Variants in LPAR3 observed in about 807,000 individuals in gnomAD.
LPAR3 encodes lysophosphatidic acid receptor 3.
Under a neutral mutation model 17.8 loss-of-function variants are expected in LPAR3, and 7 were observed. The observed-to-expected ratio is 0.39, with a 90% CI of 0.22 to 0.74. The LOEUF (loss-of-function observed/expected upper bound fraction) is 0.74. LPAR3 is among the 30% of genes least tolerant of loss of function. The probability of loss-of-function intolerance (pLI) is 0.40; values close to 1 mark genes in which losing one functional copy is unlikely to be tolerated. For missense variants in LPAR3, 391 were observed against 453.4 expected (o/e 0.86, Z 1.25); for synonymous variants, 179 against 179.9 (o/e 0.99, Z 0.04).
At position 84,837,540 on chromosome 1, in the gene LPAR3, C is replaced by A. The variant is rs558410621; in HGVS notation, c.737-23369G>T. Among the ~76,000 whole-genome samples, 4 of 152,234 alleles carry A rather than the reference C, an allele frequency of 2.6e-5. No individual in the cohort carries two copies. The East Asian group carries it at 7.7e-4, about 29-fold the overall frequency. On this transcript the variant is annotated intron_variant, in intron 2 of 2. Coordinates refer to ENST00000370611, the MANE Select transcript of LPAR3 (RefSeq NM_012152.3). ...AGTCAACAGAGGAGTGTATACACTGCCAAACTTAAGGCAGAAGTTTCTCAT... is the reference window on the plus strand; with the variant it reads ...AGTCAACAGAGGAGTGTATACACTGACAAACTTAAGGCAGAAGTTTCTCAT...
intron 1 of LPAR3, among the ~76,000 whole-genome samples, chr1:84,889,014 C>A (rs1168022484): frequency 6.6e-6 from 1 of 151,942 alleles, no homozygotes; most frequent in Non-Finnish European, 1.5e-5. Context: ...AGAGGGGTGA[C>A]AGAATCATGG....
At chr1:84,840,287 G>A (rs1570873629) in intron 2 of LPAR3, among the ~76,000 whole-genome samples, 1 of 152,146 alleles carries the variant, frequency 6.6e-6, no homozygotes, top group South Asian at 2.1e-4. Flanking sequence ...AAGACTAAAT[G>A]AGTATCATTA....
chr1:84,855,113 G>A (rs1238673717), intron 2 of LPAR3, among the ~76,000 whole-genome samples: 1 of 152,236 alleles, frequency 6.6e-6, no homozygotes, highest in East Asian at 1.9e-4. Flanking sequence ...CAGCTTCTGT[G>A]TTGATCCCTA....
intron 1 of LPAR3, among the ~76,000 whole-genome samples, chr1:84,880,921 G>T (rs1445140626): frequency 6.6e-6 from 1 of 152,194 alleles, no homozygotes; most frequent in African/African-American, 2.4e-5. Flanking sequence ...ACCAACCATG[G>T]AACTGACTCC....
In LPAR3 at chr1:84,813,984, G is replaced by A; in HGVS notation, c.924C>T (p.Ile308=). The A allele has an allele frequency of 6.2e-7, 1 of 1,614,232 alleles. No homozygotes were observed. The highest frequency in any genetic ancestry group is 1.3e-5 in the African/African-American group (1 of 75,066). The part of the protein sequence containing the change: ...EDMYGTMKKM[I]CCFSQENPER... The stretch of plus-strand genomic sequence containing the variant: ...CTGGGTTCTCCTGAGAGAAGCAGCA[G>A]ATCATCTTCTTCATGGTGCCATACA... Residue 308 remains isoleucine (I), a synonymous_variant, in exon 3 of 3, where the codon ATC becomes ATT. Coordinates refer to ENST00000370611, the MANE Select transcript of LPAR3 (RefSeq NM_012152.3).
intron 2 of LPAR3, among the ~76,000 whole-genome samples, chr1:84,825,447 C>T (rs892354448): frequency 6.6e-6 from 1 of 152,114 alleles, no homozygotes; most frequent in African/African-American, 2.4e-5. Context: ...TGTAAGGGCA[C>T]GCTGCCTAAC....
intron 1 of LPAR3, among the ~76,000 whole-genome samples, chr1:84,869,160 T>C (rs932235121): frequency 6.6e-6 from 1 of 152,212 alleles, no homozygotes; most frequent in Non-Finnish European, 1.5e-5. Context: ...TTTTATTTCT[T>C]ACATGTGGTC....
rs774165135 is a variant in LPAR3, at chr1:84,865,944, T to G, written c.177A>C (p.Arg59Ser). The change falls in exon 2 of 3, where the codon AGA becomes AGC. Residue 59 changes from arginine to serine, a missense_variant. Arg to Ser is a moderately radical substitution (Grantham distance 110, BLOSUM62 -1). Coordinates refer to ENST00000370611, the MANE Select transcript of LPAR3 (RefSeq NM_012152.3). ...GGTAGTAGAAGGGGAAATGAAATTT[T>G]CTGTTTTTGATCACTGCCGCGATGA... Reference protein sequence around the residue: ...SLVIAAVIKNRKFHFPFYYLL... With the variant: ...SLVIAAVIKNSKFHFPFYYLL... 8.7e-6 allele frequency: 14 copies of G among 1,614,018 alleles called. No homozygotes were observed. In the East Asian group the frequency reaches 2.9e-4, roughly 33 times the overall value.
At position 84,865,663 on chromosome 1, in the gene LPAR3, C is replaced by A. The variant is rs1557603813; in HGVS notation, c.458G>T (p.Trp153Leu). The A allele has an allele frequency of 6.2e-7, 1 of 1,614,180 alleles. No homozygotes were observed. The highest frequency in any genetic ancestry group is 8.5e-7 in the Non-Finnish European group (1 of 1,180,030). Residue 153 changes from tryptophan (W) to leucine (L), a missense_variant, in exon 2 of 3, where the codon TGG (tryptophan) becomes TTG (leucine). Physicochemically the swap from Trp to Leu is moderately conservative, Grantham distance 61. Coordinates refer to ENST00000370611, the MANE Select transcript of LPAR3 (RefSeq NM_012152.3). ...KRVTLLILLV[W>L]AIAIFMGAVP... ...CGCCCCCATAAAAATGGCGATGGCC[C>A]AGACAAGCAAAATGAGCAGTGTCAC...
At position 84,820,293 on chromosome 1, in the gene LPAR3, T is replaced by C. The variant is rs138760306; in HGVS notation, c.737-6122A>G. On this transcript the variant is annotated intron_variant, in intron 2 of 2. Transcript: ENST00000370611. ...GCAGGTATGCTGTGCCTCATGTGTT[T>C]GTATTCTTAGAACTAAGTATCTAGC... Among the ~76,000 whole-genome samples, 715 of 152,346 alleles carry C rather than the reference T, an allele frequency of 4.7e-3. 7 individuals carry two copies. Among genetic ancestry groups the C allele is most frequent in the African/African-American group, 0.016 (653 of 41,574 alleles).
At chr1:84,876,616 G>A (rs11577659) in intron 1 of LPAR3, among the ~76,000 whole-genome samples, 1,888 of 152,066 alleles carry the variant, frequency 0.012, 23 homozygotes, top group South Asian at 0.065. Flanking sequence ...TGGTTTCTAC[G>A]ATCTCTGCCC....
At chr1:84,824,978 C>G (rs749809365) in intron 2 of LPAR3, among the ~76,000 whole-genome samples, 2 of 152,182 alleles carry the variant, frequency 1.3e-5, no homozygotes, top group Admixed American at 1.3e-4. Context: ...AATGAAGGAG[C>G]AAGGAGTCTT....
intron 1 of LPAR3, among the ~76,000 whole-genome samples, chr1:84,874,401 TG>T (rs1660217035): frequency 2.6e-5 from 4 of 152,270 alleles, no homozygotes; most frequent in African/African-American, 4.8e-5. Context: ...CCCAATCAAG[TG>T]GGGTTTACAG....
intron 1 of LPAR3, among the ~76,000 whole-genome samples, chr1:84,870,949 A>G (rs1374860142): frequency 6.6e-6 from 1 of 152,256 alleles, no homozygotes; most frequent in Non-Finnish European, 1.5e-5. Flanking sequence ...GCCCCATGCT[A>G]TAAAAAATAG....
intron 2 of LPAR3, among the ~76,000 whole-genome samples, chr1:84,849,542 G>T (rs957740065): frequency 8.5e-5 from 13 of 152,070 alleles, no homozygotes; most frequent in Non-Finnish European, 1.5e-5. Context: ...AGCACAGATA[G>T]AGAGCAGGAA....
chr1:84,864,149 T>G (rs1659993533), intron 2 of LPAR3, among the ~76,000 whole-genome samples: 1 of 151,456 alleles, frequency 6.6e-6, no homozygotes, highest in Non-Finnish European at 1.5e-5. Flanking sequence ...GAGGTGGAGG[T>G]TGCAGTGAGC....
chr1:84,834,293 G>T (rs1659351650), intron 2 of LPAR3, among the ~76,000 whole-genome samples: 1 of 152,146 alleles, frequency 6.6e-6, no homozygotes, highest in Non-Finnish European at 1.5e-5. Context: ...ATGAGTAAAT[G>T]ATCAAATGAG....
chr1:84,857,943 C>T (rs111948867), intron 2 of LPAR3, among the ~76,000 whole-genome samples: 5 of 152,290 alleles, frequency 3.3e-5, no homozygotes, highest in African/African-American at 9.6e-5. Flanking sequence ...TGAATATTAA[C>T]TATTAATAAT....
intron 1 of LPAR3, among the ~76,000 whole-genome samples, chr1:84,891,806 A>C (rs953653646): frequency 2.0e-5 from 3 of 152,258 alleles, no homozygotes; most frequent in African/African-American, 7.2e-5. Flanking sequence ...CTTTATTTCT[A>C]AACGGCATCT....
Sources: allele counts gnomAD v4.1 joint callset (sites outside exome capture counted in the v4.1 genomes callset), GRCh38; gene constraint gnomAD v4.1.1; transcripts MANE v1.5; gene names NCBI Gene and HGNC (gene_info 2026-07-23, HGNC 2026-07-21).